The following TSHZ2 variants were observed in gnomAD, a reference collection of about 807,000 sequenced individuals.
TSHZ2 encodes the protein teashirt homolog 2.
Under a neutral mutation model 74.4 loss-of-function variants are expected in TSHZ2, and 21 were observed. The ratio of observed to expected loss-of-function variants is 0.28; its 90% CI spans 0.20 to 0.41. The LOEUF (loss-of-function observed/expected upper bound fraction) is 0.41, where lower values mean the gene tolerates loss of function less well. Among genes scored for constraint, TSHZ2 ranks in the 10% least tolerant of loss-of-function variants. The pLI is 1.00. For missense variants in TSHZ2, 1,244 were observed against 1,293.5 expected (o/e 0.96, Z 0.59); for synonymous variants, 540 against 515.3 (o/e 1.05, Z -0.65).
intron 2 of TSHZ2, among the ~76,000 whole-genome samples, chr20:53,440,138 G>A (rs139012070): frequency 6.6e-6 from 1 of 151,978 alleles, no homozygotes; most frequent in African/African-American, 2.4e-5. Flanking sequence ...GATCACTGAC[G>A]ATTTGGAAAT....
intron 1 of TSHZ2, among the ~76,000 whole-genome samples, chr20:53,248,707 G>T (rs1358386506): frequency 6.6e-6 from 1 of 152,166 alleles, no homozygotes; most frequent in African/African-American, 2.4e-5. Flanking sequence ...ATGCTTTGAG[G>T]TCTTGTTGCT....
intron 1 of TSHZ2, among the ~76,000 whole-genome samples, chr20:53,158,591 A>T (rs1987852715): frequency 6.6e-6 from 1 of 152,192 alleles, no homozygotes; most frequent in Middle Eastern, 3.2e-3. Context: ...TTTAAATGAG[A>T]TGATCTCAAT....
chr20:53,240,304 C>G (rs1990034827), intron 1 of TSHZ2, among the ~76,000 whole-genome samples: 1 of 152,116 alleles, frequency 6.6e-6, no homozygotes, highest in East Asian at 1.9e-4. Context: ...TGATTCAGCG[C>G]CCACACATAG....
At chr20:53,076,401 C>A (rs1357558938) in intron 1 of TSHZ2, among the ~76,000 whole-genome samples, 4 of 152,190 alleles carry the variant, frequency 2.6e-5, no homozygotes, top group Non-Finnish European at 4.4e-5. Flanking sequence ...CTTACTGAGG[C>A]CCTATTGTGT....
intron 1 of TSHZ2, among the ~76,000 whole-genome samples, chr20:53,176,286 G>A (rs1988334808): frequency 6.6e-6 from 1 of 152,184 alleles, no homozygotes; most frequent in African/African-American, 2.4e-5. Flanking sequence ...CTCATAGACT[G>A]AAATAGTTCT....
At chr20:53,438,196 G>A (rs895779819) in intron 2 of TSHZ2, among the ~76,000 whole-genome samples, 1 of 148,356 alleles carries the variant, frequency 6.7e-6, no homozygotes, top group African/African-American at 2.5e-5. Flanking sequence ...TGCAACCTCT[G>A]CTTCCAGGGT....
chr20:53,262,875 G>C (rs1315339249), intron 2 of TSHZ2, among the ~76,000 whole-genome samples: 1 of 152,214 alleles, frequency 6.6e-6, no homozygotes, highest in East Asian at 1.9e-4. Context: ...GGAGGGAAAA[G>C]GGATGCCAGC....
At chr20:52,991,417 G>A (rs60934473) in intron 1 of TSHZ2, among the ~76,000 whole-genome samples, 2,388 of 58,168 alleles carry the variant, frequency 0.041, no homozygotes, top group Non-Finnish European at 0.05. Flanking sequence ...GGGGGAGAGA[G>A]TGTGAAAGCT....
At chr20:53,159,434 C>G (rs1021853142) in intron 1 of TSHZ2, among the ~76,000 whole-genome samples, 1 of 152,048 alleles carries the variant, frequency 6.6e-6, no homozygotes, top group African/African-American at 2.4e-5. Context: ...GCTACAGAGA[C>G]CATGTGACCC....
rs138908572 is a variant in TSHZ2 at position 53,340,805 on chromosome 20, C to G, written c.*8+84234C>G. 5.6e-3 allele frequency among the ~76,000 whole-genome samples: 845 copies of G among 152,246 alleles called. 4 individuals are homozygous for G. The highest frequency in any genetic ancestry group is 9.1e-3 in the Non-Finnish European group (622 of 68,024). Reference sequence around the variant, plus strand: ...TTCTTTGTCTTGTAGACATGAGAGACAGCAGTGAGTAATGGGACAATCACC... The same window carrying G: ...TTCTTTGTCTTGTAGACATGAGAGAGAGCAGTGAGTAATGGGACAATCACC... On this transcript the variant is annotated intron_variant, in intron 2 of 2. Coordinates refer to ENST00000371497, the MANE Select transcript of TSHZ2 (RefSeq NM_173485.6).
intron 2 of TSHZ2, among the ~76,000 whole-genome samples, chr20:53,286,966 A>T (rs1991180534): frequency 6.6e-6 from 1 of 151,836 alleles, no homozygotes; most frequent in African/African-American, 2.4e-5. Flanking sequence ...CAGACCAAGG[A>T]TGCCAGACCA....
intron 1 of TSHZ2, among the ~76,000 whole-genome samples, chr20:53,027,357 T>C (rs766395765): frequency 2.0e-5 from 3 of 152,194 alleles, no homozygotes; most frequent in Non-Finnish European, 2.9e-5. Flanking sequence ...TTTCATCCAA[T>C]AATACAGTTC....
chr20:53,127,619 G>A (rs964816112), intron 1 of TSHZ2, among the ~76,000 whole-genome samples: 30 of 152,188 alleles, frequency 2.0e-4, no homozygotes, highest in African/African-American at 6.0e-4. Context: ...TGATGACAAT[G>A]AACCAACCAT....
At chr20:53,086,246 GGTGGGGTTGA>G (rs1330471879) in intron 1 of TSHZ2, among the ~76,000 whole-genome samples, 1 of 152,230 alleles carries the variant, frequency 6.6e-6, no homozygotes, top group Non-Finnish European at 1.5e-5. Flanking sequence ...TTGATGCAAA[GGTGGGGTTGA>G]GTGGGATGTC....
chr20:53,230,022 GAGAA>G (rs1439649732), intron 1 of TSHZ2, among the ~76,000 whole-genome samples: 3 of 130,316 alleles, frequency 2.3e-5, no homozygotes, highest in East Asian at 2.7e-4. Context: ...AGGGAAAAAA[GAGAA>G]GGAAGGAAGG....
Position 53,254,090 on chromosome 20 carries a change from G to C in TSHZ2, c.632G>C (p.Gly211Ala), listed in dbSNP as rs1348429849. ...SSKMCGTVFT[G>A]ASRFRCRQCS... ...AAGATGTGCGGGACTGTGTTCACAGGGGCCAGCAGATTCCGATGCCGACAG... is the reference window on the plus strand; with the variant it reads ...AAGATGTGCGGGACTGTGTTCACAGCGGCCAGCAGATTCCGATGCCGACAG... Residue 211 changes from glycine (G) to alanine (A), a missense_variant, in exon 2 of 3, where the codon GGG becomes GCG. Gly to Ala is a moderately conservative substitution (Grantham distance 60). This residue lies in a region of TSHZ2 where 470 missense variants were observed against 456.5 expected (regional missense o/e 1.03). Transcript: ENST00000371497. 1 of 1,614,122 alleles carries C rather than the reference G, an allele frequency of 6.2e-7. No individual in the cohort carries two copies. Among genetic ancestry groups the C allele is most frequent in the South Asian group, 1.1e-5 (1 of 91,086 alleles).
intron 1 of TSHZ2, among the ~76,000 whole-genome samples, chr20:52,993,064 A>C (rs1284188083): frequency 6.6e-6 from 1 of 152,208 alleles, no homozygotes; most frequent in Non-Finnish European, 1.5e-5. Flanking sequence ...CTTTGTGGAA[A>C]GTTACCATAA....
chr20:53,394,501 T>C (rs1341209355), intron 2 of TSHZ2, among the ~76,000 whole-genome samples: 1 of 152,170 alleles, frequency 6.6e-6, no homozygotes, highest in African/African-American at 2.4e-5. Context: ...ATATCTGCCA[T>C]GTGCAGTTAC....
intron 2 of TSHZ2, among the ~76,000 whole-genome samples, chr20:53,411,734 C>A (rs112703938): frequency 5.3e-5 from 8 of 152,134 alleles, no homozygotes; most frequent in African/African-American, 1.9e-4. Context: ...GAGGCTGAGG[C>A]AAGAGGATAT....
Sources: gnomAD v4.1 joint callset for allele counts (sites outside exome capture counted in the v4.1 genomes callset) on GRCh38, gnomAD v4.1.1 for gene constraint, gnomAD v4.1.1 regional missense constraint, MANE v1.5 for transcripts, NCBI Gene and HGNC (gene_info 2026-07-23, HGNC 2026-07-21) for gene names.